TPST2: variants seen among roughly 807,000 people sequenced by gnomAD.
The protein encoded by TPST2 is protein-tyrosine sulfotransferase 2.
Under a neutral mutation model 27.8 loss-of-function variants are expected in TPST2, and 16 were observed. That is an observed-to-expected ratio of 0.58 (90% CI 0.39 to 0.88). The LOEUF (loss-of-function observed/expected upper bound fraction) is 0.88, where lower values mean the gene tolerates loss of function less well. Ranked by LOEUF, TPST2 falls within the 40% of genes least tolerant of loss-of-function variation. TPST2 has a pLI of 0.00. For missense variants in TPST2, 464 were observed against 543.1 expected (o/e 0.85, Z 1.45); for synonymous variants, 229 against 231.7 (o/e 0.99, Z 0.10).
At chr22:26,544,045 G>A (rs1489559532) in intron 2 of TPST2, among the ~76,000 whole-genome samples, 1 of 152,200 alleles carries the variant, frequency 6.6e-6, no homozygotes, top group Non-Finnish European at 1.5e-5. Flanking sequence ...GATGATAGGT[G>A]AGGGCTTCTA....
At chr22:26,568,517 G>A (rs1183217569) in intron 1 of TPST2, among the ~76,000 whole-genome samples, 1 of 152,118 alleles carries the variant, frequency 6.6e-6, no homozygotes, top group Non-Finnish European at 1.5e-5. Context: ...GGACAAAACC[G>A]CCAAAACCAA....
chr22:26,580,027 T>C (rs575956289), intron 1 of TPST2, among the ~76,000 whole-genome samples: 4 of 152,086 alleles, frequency 2.6e-5, no homozygotes, highest in African/African-American at 9.6e-5. Context: ...GGTGGATTGC[T>C]TGAGCCCAGG....
chr22:26,544,536 G>A, intron 2 of TPST2, 68 bp downstream of exon 2: 6 of 895,362 alleles, frequency 6.7e-6, no homozygotes, highest in African/African-American at 1.8e-5. Flanking sequence ...GGGCATGGAG[G>A]GGACTTTTGG....
chr22:26,556,368 G>A (rs186878459), intron 1 of TPST2, among the ~76,000 whole-genome samples: 21 of 152,164 alleles, frequency 1.4e-4, no homozygotes, highest in South Asian at 6.2e-4. Flanking sequence ...GTGAAACCCC[G>A]TCTCTACTAA....
At chr22:26,537,322 T>C (rs559584049) in intron 3 of TPST2, among the ~76,000 whole-genome samples, 53 of 152,326 alleles carry the variant, frequency 3.5e-4, no homozygotes, top group African/African-American at 1.3e-3. Flanking sequence ...CTTGGGAAAG[T>C]TACTTCACCT....
rs189323094 is a variant in TPST2, at chr22:26,543,602, C to T, written c.-89+1002G>A. On this transcript the variant is annotated intron_variant, in intron 2 of 6. Coordinates refer to ENST00000338754, the MANE Select transcript of TPST2 (RefSeq NM_003595.5). Reference sequence around the variant, plus strand: ...GATTACAGGTGTGAGCCACCGCACCCGGCCAGCTTCAGCATTTTATGTTCA... The same window carrying T: ...GATTACAGGTGTGAGCCACCGCACCTGGCCAGCTTCAGCATTTTATGTTCA... 5.3e-5 allele frequency among the ~76,000 whole-genome samples: 8 copies of T among 152,268 alleles called. No homozygotes were observed. In the East Asian group the frequency reaches 1.5e-3, roughly 29 times the overall value.
intron 3 of TPST2, 30 bp downstream of exon 3, chr22:26,540,759 C>T (rs1925745917): frequency 6.5e-7 from 1 of 1,534,182 alleles, no homozygotes; most frequent in African/African-American, 1.4e-5. Flanking sequence ...GGGCCAGAGT[C>T]TGAGTGGAAG....
Position 26,531,545 on chromosome 22 carries a change from C to T in TPST2, c.1092+1150G>A, listed in dbSNP as rs76754849. On this transcript the variant is annotated intron_variant, in intron 5 of 6. Transcript: ENST00000338754. ...TTCAGGCGTTTACAGTTCCCTCTGC[C>T]GGGAAGCCTTTTCTATCCAGATCTT... is the stretch of plus-strand genomic sequence containing the variant. Among the ~76,000 whole-genome samples the T allele has an allele frequency of 1.5e-3, 224 of 152,304 alleles. 2 individuals carry two copies. The highest frequency in any genetic ancestry group is 4.7e-3 in the African/African-American group (195 of 41,548).
At chr22:26,561,756 C>T (rs564119275) in intron 1 of TPST2, among the ~76,000 whole-genome samples, 1 of 152,228 alleles carries the variant, frequency 6.6e-6, no homozygotes, top group East Asian at 1.9e-4. Context: ...ACATGGAATG[C>T]TATCCCAGCA....
chr22:26,559,322 C>T (rs1224208772), intron 1 of TPST2, among the ~76,000 whole-genome samples: 2 of 152,194 alleles, frequency 1.3e-5, no homozygotes, highest in African/African-American at 4.8e-5. Context: ...GCCAAAATTG[C>T]GCCACTGCGC....
chr22:26,535,958 C>A (rs1925432539), intron 4 of TPST2: 1 of 415,990 alleles, frequency 2.4e-6, no homozygotes, highest in Middle Eastern at 4.2e-4. Flanking sequence ...ACTTGAGGTG[C>A]CTTACAAACA....
chr22:26,535,181 C>T (rs1039774594), intron 4 of TPST2, among the ~76,000 whole-genome samples: 7 of 152,174 alleles, frequency 4.6e-5, no homozygotes, highest in South Asian at 2.1e-4. Flanking sequence ...TGAAGAGTTA[C>T]GGAACTAAGA....
intron 1 of TPST2, among the ~76,000 whole-genome samples, chr22:26,551,094 G>A (rs750330040): frequency 6.6e-5 from 10 of 152,112 alleles, no homozygotes; most frequent in African/African-American, 2.2e-4. Flanking sequence ...AGGAGTTTGC[G>A]ACCAGCCTGG....
intron 5 of TPST2, among the ~76,000 whole-genome samples, chr22:26,528,869 C>T (rs905033373): frequency 2.0e-5 from 3 of 152,030 alleles, no homozygotes; most frequent in Admixed American, 6.6e-5. Context: ...GTAATCCTAG[C>T]TACTCAGGAG....
intron 5 of TPST2, 32 bp downstream of exon 5, chr22:26,532,663 C>A (rs1032369103): frequency 3.1e-6 from 5 of 1,610,448 alleles, no homozygotes; most frequent in Non-Finnish European, 4.2e-6. Flanking sequence ...CTGAGAAAGA[C>A]AGAATTCGGA....
intron 1 of TPST2, among the ~76,000 whole-genome samples, chr22:26,544,928 C>T (rs1391598436): frequency 2.0e-5 from 3 of 152,186 alleles, no homozygotes; most frequent in South Asian, 2.1e-4. Context: ...TGAGCTAAGG[C>T]GCCGCTGCCT....
chr22:26,567,004 C>A (rs1036234127), intron 1 of TPST2, among the ~76,000 whole-genome samples: 9 of 152,260 alleles, frequency 5.9e-5, no homozygotes, highest in Middle Eastern at 3.4e-3. Flanking sequence ...CCAGTAGCAT[C>A]CCCTCCCTGA....
rs897446360 is a variant in TPST2, at chr22:26,541,875, C to T, written c.-88-157G>A. Among the ~76,000 whole-genome samples the T allele has an allele frequency of 1.3e-5, 2 of 152,200 alleles. No homozygotes were observed. The highest frequency in any genetic ancestry group is 2.1e-4 in the South Asian group (1 of 4,826). ...GCTGTGTGCCTGGCACCCTGCTGGG[C>T]ACTTTTTTCAATTTTTTTTGTTTTT... On this transcript the variant is annotated intron_variant, in intron 2 of 6. Coordinates refer to ENST00000338754, the MANE Select transcript of TPST2 (RefSeq NM_003595.5). This position sits in a 1 kb window ranked among gnomAD's most constrained non-coding sequence, Gnocchi z 5.9.
intron 1 of TPST2, chr22:26,565,172 G>C (rs1431768839): frequency 6.6e-6 from 1 of 152,490 alleles, no homozygotes. Flanking sequence ...AGTTGACACA[G>C]CTGGTAAGTA....
Sources: allele counts gnomAD v4.1 joint callset (sites outside exome capture counted in the v4.1 genomes callset), GRCh38; gene constraint gnomAD v4.1.1; non-coding constraint Gnocchi (gnomAD v3.1); transcripts MANE v1.5; gene names NCBI Gene and HGNC (gene_info 2026-07-23, HGNC 2026-07-21).